Variants in KCNMB4 observed in about 807,000 individuals in gnomAD.
KCNMB4 encodes the protein potassium calcium-activated channel subfamily M regulatory beta subunit 4.
In KCNMB4, 3 loss-of-function variants were observed where a neutral mutation model predicts 20.7. The observed-to-expected ratio is 0.14, with a 90% confidence interval of 0.07 to 0.37. The LOEUF is 0.37. KCNMB4 is among the 10% of genes least tolerant of loss of function. KCNMB4 has a pLI of 1.00. For synonymous variants in KCNMB4, 110 were observed against 113.4 expected, an observed-to-expected ratio of 0.97 and a Z score of 0.19; for missense variants, 168 against 265.9, an observed-to-expected ratio of 0.63 and a Z score of 2.56.
At chr12:70,429,515 A>C (rs1869300922) in intron 2 of KCNMB4, among the ~76,000 whole-genome samples, 1 of 152,020 alleles carries the variant, frequency 6.6e-6, no homozygotes, top group African/African-American at 2.4e-5. Flanking sequence ...AAATACAAAA[A>C]AATTAGCTGG....
intron 1 of KCNMB4, among the ~76,000 whole-genome samples, chr12:70,385,444 C>G (rs1423875480): frequency 1.3e-5 from 2 of 152,194 alleles, no homozygotes; most frequent in Admixed American, 1.3e-4. Context: ...ATGTCAAACA[C>G]CTTTCCCTTC....
chr12:70,382,258 C>T (rs570863643), intron 1 of KCNMB4, among the ~76,000 whole-genome samples: 1 of 151,190 alleles, frequency 6.6e-6, no homozygotes, highest in African/African-American at 2.4e-5. Context: ...ACGGTGAAAC[C>T]CTGTCTCTAC....
chr12:70,394,667 A>G (rs1868335042), intron 1 of KCNMB4, among the ~76,000 whole-genome samples: 1 of 151,978 alleles, frequency 6.6e-6, no homozygotes, highest in South Asian at 2.1e-4. Context: ...TATGGAGTTT[A>G]TTTATTTATT....
intron 2 of KCNMB4, among the ~76,000 whole-genome samples, chr12:70,417,384 A>G (rs920536944): frequency 6.6e-6 from 1 of 152,196 alleles, no homozygotes; most frequent in African/African-American, 2.4e-5. Flanking sequence ...CTCCTCAAGG[A>G]GGACAAAGCA....
intron 2 of KCNMB4, among the ~76,000 whole-genome samples, chr12:70,407,256 C>A (rs952622824): frequency 3.3e-5 from 5 of 152,062 alleles, no homozygotes; most frequent in African/African-American, 1.2e-4. Context: ...GGAAGAGATG[C>A]ATTGAGCAAG....
rs79811562 is a variant in KCNMB4 at position 70,391,117 on chromosome 12, T to G, written c.337-9092T>G. ...TGAGGAGTCCTACCTTACATCACAG[T>G]GACTCATAGACTTCATTTCATCAAA... On this transcript the variant is annotated intron_variant, in intron 1 of 2. Coordinates refer to ENST00000258111, the MANE Select transcript of KCNMB4 (RefSeq NM_014505.6). 3.1e-3 allele frequency among the ~76,000 whole-genome samples: 467 copies of G among 152,256 alleles called. 1 individual carries two copies. Among genetic ancestry groups the G allele is most frequent in the Non-Finnish European group, 5.0e-3 (340 of 68,012 alleles).
At chr12:70,386,129 C>T (rs1038041708) in intron 1 of KCNMB4, among the ~76,000 whole-genome samples, 3 of 152,040 alleles carry the variant, frequency 2.0e-5, no homozygotes, top group East Asian at 1.9e-4. Flanking sequence ...TCAGTGATGA[C>T]GGTATCAGAG....
intron 1 of KCNMB4, among the ~76,000 whole-genome samples, chr12:70,390,738 C>T (rs559622212): frequency 4.2e-4 from 64 of 152,244 alleles, no homozygotes; most frequent in Non-Finnish European, 5.7e-4. Context: ...AATGTGAAGA[C>T]GCTATACTTT....
At chr12:70,395,879 T>A (rs1055264114) in intron 1 of KCNMB4, among the ~76,000 whole-genome samples, 4 of 152,208 alleles carry the variant, frequency 2.6e-5, no homozygotes, top group African/African-American at 9.6e-5. Flanking sequence ...CAGAACTATA[T>A]GAAGAAATTT....
intron 1 of KCNMB4, among the ~76,000 whole-genome samples, chr12:70,387,360 A>G (rs1868265706): frequency 7.2e-6 from 1 of 138,200 alleles, no homozygotes; most frequent in South Asian, 2.3e-4. Context: ...TTATTTCTTC[A>G]TTTGTGACTC....
At chr12:70,375,145 A>G (rs185237197) in intron 1 of KCNMB4, among the ~76,000 whole-genome samples, 111 of 152,202 alleles carry the variant, frequency 7.3e-4, no homozygotes, top group African/African-American at 2.3e-3. Context: ...TGTTTCTGTT[A>G]ATTGTATCAT....
intron 2 of KCNMB4, among the ~76,000 whole-genome samples, chr12:70,409,933 G>A (rs1188237394): frequency 6.6e-6 from 1 of 152,188 alleles, no homozygotes; most frequent in Non-Finnish European, 1.5e-5. Flanking sequence ...GCAGCCAGTC[G>A]TTGGTTTTAA....
At position 70,430,880 on chromosome 12, in the gene KCNMB4, G is replaced by A; in HGVS notation, c.*227G>A. The A allele has an allele frequency of 2.3e-6, 1 of 439,748 alleles. No individual in the cohort carries two copies. Among genetic ancestry groups the A allele is most frequent in the Non-Finnish European group, 4.0e-6 (1 of 251,646 alleles). The allele number at this position is 439,748 out of a possible 1,614,324, so 27.2% of individuals were successfully genotyped here. A position where few individuals can be genotyped will look rare whatever the true frequency, so the allele number is the denominator to read the frequency against. ...TGGCTAAAGGGTCAAGATCTTAGCTGTATGGAGTAACTATTTCAGAAAACC... is the reference window on the plus strand; with the variant it reads ...TGGCTAAAGGGTCAAGATCTTAGCTATATGGAGTAACTATTTCAGAAAACC... On this transcript the variant is annotated 3_prime_UTR_variant, in exon 3 of 3. Transcript: ENST00000258111.
intron 1 of KCNMB4, among the ~76,000 whole-genome samples, chr12:70,392,633 A>G (rs1226933304): frequency 6.6e-6 from 1 of 152,250 alleles, no homozygotes; most frequent in African/African-American, 2.4e-5. Flanking sequence ...CGTATACACC[A>G]TGGAATACTA....
At chr12:70,421,531 A>G (rs1869056770) in intron 2 of KCNMB4, among the ~76,000 whole-genome samples, 1 of 146,036 alleles carries the variant, frequency 6.8e-6, no homozygotes, top group Non-Finnish European at 1.5e-5. Context: ...CTTCTTAATG[A>G]GGGTTTTATT....
At chr12:70,367,202 G>T (rs1883510667) in intron 1 of KCNMB4, 132 bp downstream of exon 1, 9 of 656,522 alleles carry the variant, frequency 1.4e-5, no homozygotes, top group South Asian at 1.1e-4. Context: ...CGCAGGCTGT[G>T]CTCAAACCAG....
chr12:70,411,836 C>T (rs77687037), intron 2 of KCNMB4, among the ~76,000 whole-genome samples: 10,667 of 152,078 alleles, frequency 0.07, 577 homozygotes, highest in East Asian at 0.25. Flanking sequence ...TAATACTGTG[C>T]GTGTATGTCA....
rs2136111503 is a variant in KCNMB4 at position 70,366,651 on chromosome 12, C to G, written c.-84C>G. 9.7e-7 allele frequency: 1 copy of G among 1,030,544 alleles called. No individual in the cohort carries two copies. The allele number at this position is 1,030,544 out of a possible 1,614,324, so 63.8% of individuals were successfully genotyped here. On this transcript the variant is annotated 5_prime_UTR_variant, in exon 1 of 3. Transcript: ENST00000258111. ...GCGGCGGCGGCGGTGGCGGCGGCGG[C>G]TCCTCCCGCCCGAGGCAGTCGGGCT...
At chr12:70,397,978 T>G (rs1378997868) in intron 1 of KCNMB4, among the ~76,000 whole-genome samples, 1 of 152,178 alleles carries the variant, frequency 6.6e-6, no homozygotes, top group African/African-American at 2.4e-5. Context: ...CTTTATAAAC[T>G]AATTGACTAT....
Sources: allele counts gnomAD v4.1 joint callset (sites outside exome capture counted in the v4.1 genomes callset), GRCh38; gene constraint gnomAD v4.1.1; transcripts MANE v1.5; gene names NCBI Gene and HGNC (gene_info 2026-07-23, HGNC 2026-07-21).